LYRM7: variants seen among roughly 807,000 people sequenced by gnomAD.
LYRM7 encodes LYR motif containing 7, also known as complex III assembly factor LYRM7.
LYRM7 carries 9 observed loss-of-function variants against 15.8 expected under a neutral mutation model. That is an observed-to-expected ratio of 0.57 (90% confidence interval 0.34 to 0.99). LYRM7 has a LOEUF of 0.99. LYRM7 is among the 50% of genes least tolerant of loss of function. LYRM7 has a pLI of 0.02. For missense variants in LYRM7, 115 were observed against 119.1 expected, an observed-to-expected ratio of 0.97 and a Z score of 0.16; for synonymous variants, 39 against 39.4, an observed-to-expected ratio of 0.99 and a Z score of 0.04.
chr5:131,185,044 C>G (rs954993089), intron 3 of LYRM7, among the ~76,000 whole-genome samples: 2 of 152,136 alleles, frequency 1.3e-5, no homozygotes, highest in African/African-American at 4.8e-5. Flanking sequence ...CTGTAATTAT[C>G]TCCGAGTCCA....
chr5:131,197,061 T>C (rs1291800814), intron 4 of LYRM7, among the ~76,000 whole-genome samples: 17 of 152,246 alleles, frequency 1.1e-4, no homozygotes, highest in Non-Finnish European at 1.5e-5. Context: ...TAAAGTGATA[T>C]GGGTATATTT....
rs1368364452 is a variant in LYRM7, at chr5:131,200,297, C to T, written c.*696C>T. The T allele has an allele frequency of 6.6e-6, 1 of 152,130 alleles. No homozygotes were observed. Among genetic ancestry groups the T allele is most frequent in the East Asian group, 1.9e-4 (1 of 5,324 alleles). The allele number at this position is 152,130 out of a possible 1,614,324, so 9.4% of individuals were successfully genotyped here. ...CCTTGATCAAACTATTTAATATGGCCTTAGTAGAATTAGCTGTATTTAGAC... is the reference window on the plus strand; with the variant it reads ...CCTTGATCAAACTATTTAATATGGCTTTAGTAGAATTAGCTGTATTTAGAC... On this transcript the variant is annotated 3_prime_UTR_variant, in exon 5 of 5. Coordinates refer to ENST00000379380, the MANE Select transcript of LYRM7 (RefSeq NM_181705.4).
intron 3 of LYRM7, among the ~76,000 whole-genome samples, chr5:131,186,647 A>C (rs956159914): frequency 6.6e-6 from 1 of 152,206 alleles, no homozygotes; most frequent in African/African-American, 2.4e-5. Context: ...GAGTTACTTG[A>C]ATATAAGCAC....
chr5:131,184,697 G>A (rs77999554), intron 3 of LYRM7, among the ~76,000 whole-genome samples: 1,731 of 150,794 alleles, frequency 0.011, 33 homozygotes, highest in African/African-American at 0.036. Context: ...CTCTGGACCC[G>A]CCTAATCCCT....
At chr5:131,186,010 G>T (rs1401833327) in intron 3 of LYRM7, among the ~76,000 whole-genome samples, 1 of 152,188 alleles carries the variant, frequency 6.6e-6, no homozygotes, top group Non-Finnish European at 1.5e-5. Flanking sequence ...ATCTTAATTT[G>T]TCAGTGGTTC....
rs368794094 is a variant in LYRM7, at chr5:131,204,327, G to T, written c.*4726G>T. 6.6e-6 allele frequency: 1 copy of T among 151,948 alleles called. No individual in the cohort carries two copies. The highest frequency in any genetic ancestry group is 6.6e-5 in the Admixed American group (1 of 15,240). 9.4% of individuals were successfully genotyped at this position (151,948 alleles called of 1,614,324 possible). A position where few individuals can be genotyped will look rare whatever the true frequency, so the allele number is the denominator to read the frequency against. ...AGAATACTAATAAATGTGTACTCAG[G>T]TATATGTACAGAAATTGCTGTAACA... On this transcript the variant is annotated 3_prime_UTR_variant, in exon 5 of 5. Transcript: ENST00000379380.
intron 1 of LYRM7, among the ~76,000 whole-genome samples, chr5:131,176,794 A>G (rs974199460): frequency 6.6e-6 from 1 of 152,050 alleles, no homozygotes; most frequent in Non-Finnish European, 1.5e-5. Context: ...CTTAGCACCT[A>G]CTTATAAGTC....
intron 4 of LYRM7, among the ~76,000 whole-genome samples, chr5:131,189,464 A>G (rs956400265): frequency 4.6e-5 from 7 of 150,798 alleles, no homozygotes; most frequent in Non-Finnish European, 8.9e-5. Flanking sequence ...AAAAAAAAAA[A>G]AAAAAAAGCT....
chr5:131,186,890 G>T (rs114842039), intron 3 of LYRM7, 138 bp from the exon 4 acceptor site: 5 of 582,688 alleles, frequency 8.6e-6, no homozygotes, highest in Non-Finnish European at 1.6e-5. Context: ...AGTTGACCAC[G>T]GATAACTGAA....
chr5:131,171,377 T>A (rs1413484059), intron 1 of LYRM7, among the ~76,000 whole-genome samples: 1 of 152,116 alleles, frequency 6.6e-6, no homozygotes, highest in Non-Finnish European at 1.5e-5. Flanking sequence ...CCCTGGGAAG[T>A]ATAGGAGACG....
At chr5:131,197,044 C>A (rs1049509973) in intron 4 of LYRM7, among the ~76,000 whole-genome samples, 1 of 152,300 alleles carries the variant, frequency 6.6e-6, no homozygotes, top group Non-Finnish European at 1.5e-5. Flanking sequence ...CAGAACTGAA[C>A]ATACTCTAAA....
chr5:131,175,166 G>A (rs1755580608), intron 1 of LYRM7, among the ~76,000 whole-genome samples: 1 of 142,130 alleles, frequency 7.0e-6, no homozygotes, highest in African/African-American at 2.9e-5. Flanking sequence ...ACAAATTATT[G>A]GCTTCAACTC....
chr5:131,172,384 GC>G (rs1755536874), intron 1 of LYRM7, among the ~76,000 whole-genome samples: 1 of 151,994 alleles, frequency 6.6e-6, no homozygotes. Context: ...CTACACTCTA[GC>G]CTGGGTGACA....
At chr5:131,188,409 TAAAAA>T (rs760021801) in intron 4 of LYRM7, among the ~76,000 whole-genome samples, 1 of 129,456 alleles carries the variant, frequency 7.7e-6, no homozygotes, top group South Asian at 2.4e-4. Context: ...AAGCCACATG[TAAAAA>T]AAAAAAAAAA....
In LYRM7 at chr5:131,198,349, G is replaced by T. The variant is rs193172757; in HGVS notation, c.245-1182G>T. Among the ~76,000 whole-genome samples the T allele has an allele frequency of 5.9e-3, 893 of 152,220 alleles. 6 individuals carry two copies. Among genetic ancestry groups the T allele is most frequent in the Middle Eastern group, 0.031 (9 of 294 alleles). On this transcript the variant is annotated intron_variant, in intron 4 of 4. Transcript: ENST00000379380. ...CCCTGTGGACCAGTATCCTATTGGG[G>T]ATCACACATTGCATGTAGTCATCAT...
chr5:131,200,684 C>T lies in LYRM7; in HGVS notation c.*1083C>T, dbSNP rs546620500. The T allele has an allele frequency of 1.1e-4, 16 of 152,260 alleles. No individual in the cohort carries two copies. Among genetic ancestry groups the T allele is most frequent in the African/African-American group, 3.6e-4 (15 of 41,504 alleles). The allele number at this position is 152,260 out of a possible 1,614,324, so 9.4% of individuals were successfully genotyped here. On this transcript the variant is annotated 3_prime_UTR_variant, in exon 5 of 5. Transcript: ENST00000379380. ...ATTATACCTAGAGAAAAATGAAAGT[C>T]GTTTCAAATTTGAAATTTGCCCTTT...
intron 1 of LYRM7, among the ~76,000 whole-genome samples, chr5:131,179,474 T>TTTTTTTTTTTTTTTTTA (rs1755656398): frequency 8.5e-5 from 2 of 23,492 alleles, no homozygotes; most frequent in Non-Finnish European, 1.9e-4. Context: ...TTTTTTTTTC[T>TTTTTTTTTTTTTTTTTA]TTTTTTTTTT....
intron 1 of LYRM7, among the ~76,000 whole-genome samples, chr5:131,175,701 A>AT (rs1178498683): frequency 6.6e-6 from 1 of 151,074 alleles, no homozygotes; most frequent in Admixed American, 6.6e-5. Flanking sequence ...CGCCTGGCTA[A>AT]TTTTTTTATT....
chr5:131,194,554 G>A (rs1319493918), intron 4 of LYRM7, among the ~76,000 whole-genome samples: 4 of 152,192 alleles, frequency 2.6e-5, no homozygotes, highest in Non-Finnish European at 5.9e-5. Context: ...ACACTCACTT[G>A]TATTCAGCAC....
Sources: allele counts gnomAD v4.1 joint callset (sites outside exome capture counted in the v4.1 genomes callset), GRCh38; gene constraint gnomAD v4.1.1; transcripts MANE v1.5; gene names NCBI Gene and HGNC (gene_info 2026-07-23, HGNC 2026-07-21).